Variants in EIPR1 observed in about 807,000 individuals in gnomAD.
The protein encoded by EIPR1 is EARP and GARP complex-interacting protein 1.
A neutral mutation model predicts 48.1 loss-of-function variants in EIPR1; 25 were observed. That is an observed-to-expected ratio of 0.52 (90% CI 0.38 to 0.73). The LOEUF is 0.73. Among genes scored for constraint, EIPR1 ranks in the 30% least tolerant of loss-of-function variants. EIPR1 has a pLI of 0.00. For synonymous variants in EIPR1, 204 were observed against 201.9 expected (o/e 1.01, Z -0.09); for missense variants, 415 against 506.2 (o/e 0.82, Z 1.73).
chr2:3,366,522 A>C (rs1458477603), intron 1 of EIPR1, among the ~76,000 whole-genome samples: 1 of 152,202 alleles, frequency 6.6e-6, no homozygotes, highest in African/African-American at 2.4e-5. Flanking sequence ...CGAGGACAAA[A>C]AAGAAATTTG....
chr2:3,357,590 A>C (rs556248662), intron 1 of EIPR1, among the ~76,000 whole-genome samples: 1 of 152,310 alleles, frequency 6.6e-6, no homozygotes, highest in South Asian at 2.1e-4. Flanking sequence ...ACTGTGTTCA[A>C]ATAAGGCAAA....
At chr2:3,251,061 G>A (rs1666988332) in intron 4 of EIPR1, among the ~76,000 whole-genome samples, 1 of 152,058 alleles carries the variant, frequency 6.6e-6, no homozygotes, top group African/African-American at 2.4e-5. Flanking sequence ...CTGAAAAATA[G>A]TTAAAACATT....
intron 4 of EIPR1, among the ~76,000 whole-genome samples, chr2:3,238,445 T>A (rs1278856813): frequency 6.6e-6 from 1 of 152,196 alleles, no homozygotes; most frequent in African/African-American, 2.4e-5. Context: ...CCTGTGGGGA[T>A]GCTGATTGTT....
intron 3 of EIPR1, among the ~76,000 whole-genome samples, chr2:3,285,320 C>A (rs1451858015): frequency 4.4e-5 from 6 of 137,264 alleles, no homozygotes; most frequent in Non-Finnish European, 9.5e-5. Context: ...CACCCTCCCA[C>A]CCCCCCACCC....
chr2:3,199,536 G>A (rs1273695823), intron 5 of EIPR1, among the ~76,000 whole-genome samples: 1 of 152,234 alleles, frequency 6.6e-6, no homozygotes. Context: ...CCTTGTGGTG[G>A]TGAGAAGAGG....
intron 4 of EIPR1, among the ~76,000 whole-genome samples, chr2:3,235,100 C>A (rs933174590): frequency 6.6e-6 from 1 of 152,208 alleles, no homozygotes; most frequent in Non-Finnish European, 1.5e-5. Flanking sequence ...GACTAACATG[C>A]AAACTTGCAC....
chr2:3,218,109 G>A (rs1665704383), intron 4 of EIPR1, among the ~76,000 whole-genome samples: 1 of 152,040 alleles, frequency 6.6e-6, no homozygotes, highest in African/African-American at 2.4e-5. Context: ...CATTCACAGT[G>A]AGTCAGGTGC....
intron 2 of EIPR1, among the ~76,000 whole-genome samples, chr2:3,350,813 T>G (rs1416803086): frequency 2.0e-5 from 3 of 151,998 alleles, no homozygotes; most frequent in African/African-American, 7.2e-5. Context: ...TAATAAAACA[T>G]ACTGTTGACT....
intron 5 of EIPR1, among the ~76,000 whole-genome samples, chr2:3,197,331 A>G (rs949688945): frequency 6.6e-6 from 1 of 152,232 alleles, no homozygotes; most frequent in African/African-American, 2.4e-5. Context: ...AAACAACTCA[A>G]ACATCTGGCT....
At chr2:3,358,865 T>C (rs1484825458) in intron 1 of EIPR1, among the ~76,000 whole-genome samples, 1 of 152,182 alleles carries the variant, frequency 6.6e-6, no homozygotes, top group Non-Finnish European at 1.5e-5. Flanking sequence ...GACTGTGTTA[T>C]CACCCTAGAC....
At chr2:3,276,029 A>G (rs1667837564) in intron 3 of EIPR1, among the ~76,000 whole-genome samples, 1 of 152,222 alleles carries the variant, frequency 6.6e-6, no homozygotes, top group Non-Finnish European at 1.5e-5. Context: ...CCTTAAGCAA[A>G]TAAGTATTTT....
intron 3 of EIPR1, among the ~76,000 whole-genome samples, chr2:3,288,066 G>A (rs973665368): frequency 4.6e-5 from 7 of 152,210 alleles, no homozygotes; most frequent in African/African-American, 7.2e-5. Context: ...TAAGGTTGTC[G>A]CAGGGTGCAT....
At chr2:3,365,020 G>A (rs1670939125) in intron 1 of EIPR1, among the ~76,000 whole-genome samples, 3 of 152,132 alleles carry the variant, frequency 2.0e-5, no homozygotes, top group East Asian at 1.9e-4. Context: ...AAATATTTAA[G>A]GTGATGGATA....
chr2:3,288,423 C>T (rs935676466), intron 3 of EIPR1, among the ~76,000 whole-genome samples: 2 of 152,224 alleles, frequency 1.3e-5, no homozygotes, highest in African/African-American at 4.8e-5. Context: ...TACAGCTGAA[C>T]ATGAGTCTCA....
At chr2:3,216,012 A>T (rs1465524973) in intron 4 of EIPR1, among the ~76,000 whole-genome samples, 1 of 152,196 alleles carries the variant, frequency 6.6e-6, no homozygotes. Context: ...TCCAAAACCC[A>T]CTGCTCCTGT....
rs58146294 is a variant in EIPR1 at position 3,353,451 on chromosome 2, CT to C, written c.126+1098del. ...TGTCATGTTTCTTAGGAGTCTATAA[CT>C]TTTAATGAGTGTAATAAGGGAATAC... is the stretch of plus-strand genomic sequence containing the variant. On this transcript the variant is annotated intron_variant, in intron 2 of 8. Transcript: ENST00000382125. 9.8e-3 allele frequency: 3,696 copies of C among 376,546 alleles called. 328 individuals are homozygous for C. In the East Asian group the frequency reaches 0.2, roughly 20 times the overall value. 23.3% of individuals were successfully genotyped at this position (376,546 alleles called of 1,614,324 possible). A position where few individuals can be genotyped will look rare whatever the true frequency, so the allele number is the denominator to read the frequency against.
At chr2:3,315,149 C>T (rs10194678) in intron 3 of EIPR1, among the ~76,000 whole-genome samples, 22,084 of 85,602 alleles carry the variant, frequency 0.26, 3,747 homozygotes, top group East Asian at 0.46. Context: ...CTAGCATCGC[C>T]CCCATGCCTA....
At chr2:3,239,515 T>C (rs201420186) in intron 4 of EIPR1, among the ~76,000 whole-genome samples, 2 of 152,332 alleles carry the variant, frequency 1.3e-5, no homozygotes, top group African/African-American at 4.8e-5. Flanking sequence ...GTCTTCTGAT[T>C]TGGCCATCGT....
At chr2:3,268,771 C>T (rs1667573775) in intron 3 of EIPR1, among the ~76,000 whole-genome samples, 2 of 152,166 alleles carry the variant, frequency 1.3e-5, no homozygotes, top group South Asian at 4.1e-4. Context: ...AAGCCGGCTC[C>T]CCTTGGCTCG....
Sources: allele counts gnomAD v4.1 joint callset (sites outside exome capture counted in the v4.1 genomes callset), GRCh38; gene constraint gnomAD v4.1.1; transcripts MANE v1.5; gene names NCBI Gene and HGNC (gene_info 2026-07-23, HGNC 2026-07-21).